Variants in HSP90AA1 observed in about 807,000 individuals in gnomAD.
HSP90AA1 encodes the protein heat shock protein 90 alpha family class A member 1, also known as heat shock protein HSP 90-alpha.
Under a neutral mutation model 73.3 loss-of-function variants are expected in HSP90AA1, and 18 were observed. The ratio of observed to expected loss-of-function variants is 0.25; its 90% CI spans 0.17 to 0.36. The LOEUF is 0.36. HSP90AA1 is among the 10% of genes least tolerant of loss of function. The pLI, the probability that HSP90AA1 is intolerant of heterozygous loss-of-function variation, is 1.00. For missense variants in HSP90AA1, 704 were observed against 874.2 expected, an observed-to-expected ratio of 0.81 and a Z score of 2.45; for synonymous variants, 477 against 296.9, an observed-to-expected ratio of 1.61 and a Z score of -6.24.
chr14:102,132,906 G>A (rs2049925609), intron 1 of HSP90AA1, among the ~76,000 whole-genome samples: 1 of 151,970 alleles, frequency 6.6e-6, no homozygotes, highest in African/African-American at 2.4e-5. Flanking sequence ...GTTGCAGTGA[G>A]CTGAGATTGT....
intron 1 of HSP90AA1, among the ~76,000 whole-genome samples, chr14:102,107,292 T>C (rs1001313826): frequency 6.6e-6 from 1 of 151,904 alleles, no homozygotes; most frequent in African/African-American, 2.4e-5. Context: ...CTACATCTCA[T>C]GCTTGCTTCT....
In HSP90AA1 at chr14:102,082,186, G is replaced by A; in HGVS notation, c.2014C>T (p.Leu672=). ...LVILLYETAL[L]SSGFSLEDPQ... Reference sequence around the variant, plus strand: ...TCTTCCAGACTGAAGCCAGAAGACAGGAGCGCAGTTTCATAAAGCAAGATG... The same window carrying A: ...TCTTCCAGACTGAAGCCAGAAGACAAGAGCGCAGTTTCATAAAGCAAGATG... The change falls in exon 10 of 11, where the codon CTG becomes TTG. Residue 672 remains leucine (L), a synonymous_variant. Transcript: ENST00000216281. The A allele has an allele frequency of 6.2e-7, 1 of 1,613,882 alleles. No homozygotes were observed. The highest frequency in any genetic ancestry group is 8.5e-7 in the Non-Finnish European group (1 of 1,179,772).
chr14:102,135,405 A>C (rs1595684268), intron 1 of HSP90AA1, among the ~76,000 whole-genome samples: 3 of 152,378 alleles, frequency 2.0e-5, no homozygotes, highest in East Asian at 3.9e-4. Context: ...ACAAACCTTG[A>C]GCTAAACACA....
intron 2 of HSP90AA1, among the ~76,000 whole-genome samples, chr14:102,095,012 G>T (rs142525856): frequency 6.6e-6 from 1 of 152,132 alleles, no homozygotes; most frequent in Non-Finnish European, 1.5e-5. Flanking sequence ...TGTTCACCAG[G>T]GGAACATAGG....
chr14:102,137,206 A>C (rs1200881502), intron 1 of HSP90AA1, among the ~76,000 whole-genome samples: 1 of 151,908 alleles, frequency 6.6e-6, no homozygotes, highest in African/African-American at 2.4e-5. Context: ...GTGCCACTGC[A>C]CTCCAGCCTG....
At chr14:102,105,231 C>CAAAAAAAAAAAAAAAAAA (rs2049551348) in intron 1 of HSP90AA1, among the ~76,000 whole-genome samples, 1 of 78,416 alleles carries the variant, frequency 1.3e-5, no homozygotes. Context: ...AAAAAAAAAC[C>CAAAAAAAAAAAAAAAAAA]AAACTTCATT....
At chr14:102,138,734 T>G (rs1451448281) in intron 1 of HSP90AA1, among the ~76,000 whole-genome samples, 1 of 152,214 alleles carries the variant, frequency 6.6e-6, no homozygotes, top group African/African-American at 2.4e-5. Context: ...AAATGTTGGC[T>G]TCCCCCCTCC....
chr14:102,103,558 C>T (rs1448145430), intron 1 of HSP90AA1, among the ~76,000 whole-genome samples: 4 of 151,738 alleles, frequency 2.6e-5, no homozygotes, highest in African/African-American at 9.7e-5. Context: ...AATCCCAGTA[C>T]GTTGGGAGGC....
intron 1 of HSP90AA1, among the ~76,000 whole-genome samples, chr14:102,127,620 C>T (rs1254215680): frequency 6.6e-6 from 1 of 152,080 alleles, no homozygotes; most frequent in Admixed American, 6.6e-5. Context: ...AGACAGTAAG[C>T]AATAGGCAGA....
rs181610630 is a variant in HSP90AA1 at position 102,095,622 on chromosome 14, G to A, written c.366+6253C>T. 6.8e-4 allele frequency among the ~76,000 whole-genome samples: 103 copies of A among 152,310 alleles called. 1 individual carries two copies. The highest frequency in any genetic ancestry group is 2.4e-3 in the African/African-American group (98 of 41,570). ...CTCCTGTCTCCTAGCAGAACCAGGGGTCCTGGACACGAATTTGAACTCCTT... is the reference window on the plus strand; with the variant it reads ...CTCCTGTCTCCTAGCAGAACCAGGGATCCTGGACACGAATTTGAACTCCTT... On this transcript the variant is annotated intron_variant, in intron 2 of 11. Transcript: ENST00000334701.
chr14:102,105,034 TAAAAAAA>T (rs35769966), intron 1 of HSP90AA1, among the ~76,000 whole-genome samples: 1 of 97,490 alleles, frequency 1.0e-5, no homozygotes, highest in Admixed American at 1.1e-4. Flanking sequence ...TCATCTCTAC[TAAAAAAA>T]AAAAAAAAAA....
In HSP90AA1 at chr14:102,083,603, G is replaced by A. The variant is rs757976526; in HGVS notation, c.1429C>T (p.Leu477Phe). 3 of 1,613,712 alleles carry A rather than the reference G, an allele frequency of 1.9e-6. No homozygotes were observed. Among genetic ancestry groups the A allele is most frequent in the Non-Finnish European group, 1.7e-6 (2 of 1,179,744 alleles). Reference sequence around the variant, plus strand: ...TTCATTCTGGTGCAGTAGTCCTTGAGAGAAACCATCTCATCACCAGAGGCA... The same window carrying A: ...TTCATTCTGGTGCAGTAGTCCTTGAAAGAAACCATCTCATCACCAGAGGCA... ...TSASGDEMVS[L>F]KDYCTRMKEN... Residue 477 changes from leucine (L) to phenylalanine (F), a missense_variant, in exon 8 of 11, where the codon CTC becomes TTC. Transcript: ENST00000216281.
Position 102,083,687 on chromosome 14 carries a change from T to G in HSP90AA1, c.1345A>C (p.Ile449Leu). 6.2e-7 allele frequency: 1 copy of G among 1,612,356 alleles called. No homozygotes were observed. The highest frequency in any genetic ancestry group is 8.5e-7 in the Non-Finnish European group (1 of 1,179,268). ...TTCCGATTTTGAGAGTCTTCGTGTA[T>G]TCCAAGCTGAAACAAAGTATGTTCT... Reference protein sequence around the residue: ...EQFSKNIKLGIHEDSQNRKKL... With the variant: ...EQFSKNIKLGLHEDSQNRKKL... The change falls in exon 8 of 11, where the codon ATA becomes CTA. Residue 449 changes from isoleucine to leucine, a missense_variant. Coordinates refer to ENST00000216281, the MANE Select transcript of HSP90AA1 (RefSeq NM_005348.4).
intron 2 of HSP90AA1, among the ~76,000 whole-genome samples, chr14:102,097,228 C>T (rs1200291111): frequency 6.6e-6 from 1 of 151,860 alleles, no homozygotes; most frequent in Non-Finnish European, 1.5e-5. Flanking sequence ...TCAGATAAAC[C>T]GCCCCCCTTG....
In HSP90AA1 at chr14:102,083,549, T is replaced by C. The variant is rs200648994; in HGVS notation, c.1483A>G (p.Thr495Ala). The part of the protein sequence containing the change: ...KENQKHIYYI[T>A]GETKDQVANS... Reference sequence around the variant, plus strand: ...CTGTAACATAGTGTTCTCTTACCTGTGATATAATAGATATGTTTCTGGTTC... The same window carrying C: ...CTGTAACATAGTGTTCTCTTACCTGCGATATAATAGATATGTTTCTGGTTC... The change falls in exon 8 of 11, where the codon ACA (threonine) becomes GCA (alanine). Residue 495 changes from threonine (T) to alanine (A), a missense_variant. Coordinates refer to ENST00000216281, the MANE Select transcript of HSP90AA1 (RefSeq NM_005348.4). The C allele has an allele frequency of 1.2e-6, 2 of 1,612,986 alleles. No homozygotes were observed. Among genetic ancestry groups the C allele is most frequent in the Non-Finnish European group, 1.7e-6 (2 of 1,179,212 alleles).
At chr14:102,093,483 CAAAAAAA>C (rs567516713) in intron 2 of HSP90AA1, among the ~76,000 whole-genome samples, 5 of 82,224 alleles carry the variant, frequency 6.1e-5, no homozygotes, top group African/African-American at 2.0e-4. Flanking sequence ...GACTCCGTCT[CAAAAAAA>C]AAAAAAAAAA....
At chr14:102,135,113 T>G (rs2049967816) in intron 1 of HSP90AA1, among the ~76,000 whole-genome samples, 2 of 145,812 alleles carry the variant, frequency 1.4e-5, no homozygotes, top group Non-Finnish European at 3.0e-5. Flanking sequence ...GATTGGTGTG[T>G]TTACAAACCT....
Position 102,119,645 on chromosome 14 carries a change from T to A in HSP90AA1, c.156-17560A>T, listed in dbSNP as rs1190604. Among the ~76,000 whole-genome samples, 18 of 152,216 alleles carry A rather than the reference T, an allele frequency of 1.2e-4. No individual in the cohort carries two copies. In the South Asian group the frequency reaches 3.5e-3, roughly 30 times the overall value. ...CTGGGATTACAAGCACGTGCCACCA[T>A]GCCTGGCTAATTTTTGTATTTTCAG... On this transcript the variant is annotated intron_variant, in intron 1 of 11. Transcript: ENST00000334701.
chr14:102,112,763 G>A (rs1477762765), intron 1 of HSP90AA1, among the ~76,000 whole-genome samples: 3 of 152,220 alleles, frequency 2.0e-5, no homozygotes, highest in Non-Finnish European at 2.9e-5. Flanking sequence ...TTACAGGCGT[G>A]AGCCACTGTG....
Sources: gnomAD v4.1 joint callset for allele counts (sites outside exome capture counted in the v4.1 genomes callset) on GRCh38, gnomAD v4.1.1 for gene constraint, MANE v1.5 for transcripts, NCBI Gene and HGNC (gene_info 2026-07-23, HGNC 2026-07-21) for gene names.